The following ANO5 variants were observed in gnomAD, a reference collection of about 807,000 sequenced individuals.
ANO5 encodes anoctamin-5.
A neutral mutation model predicts 121.0 loss-of-function variants in ANO5; 109 were observed. That is an observed-to-expected ratio of 0.90 (90% CI 0.77 to 1.06). ANO5 has a LOEUF of 1.06. ANO5 is among the 50% of genes least tolerant of loss of function. The pLI, the probability that ANO5 is intolerant of heterozygous loss-of-function variation, is 0.00. For missense variants in ANO5, 1,064 were observed against 1,078.5 expected (o/e 0.99, Z 0.19); for synonymous variants, 406 against 359.9 (o/e 1.13, Z -1.45).
intron 3 of ANO5, among the ~76,000 whole-genome samples, chr11:22,213,688 A>G (rs1053591213): frequency 6.6e-5 from 10 of 151,794 alleles, no homozygotes; most frequent in African/African-American, 2.2e-4. Flanking sequence ...AGCCTACACA[A>G]AAGGATTGGG....
At chr11:22,209,799 C>T (rs1432248067) in intron 2 of ANO5, among the ~76,000 whole-genome samples, 1 of 151,810 alleles carries the variant, frequency 6.6e-6, no homozygotes, top group East Asian at 1.9e-4. Flanking sequence ...AAAGATTTTT[C>T]CTAAAAGGAG....
rs1554932860 is a variant in ANO5, at chr11:22,267,508, T to TTTTATATATATATATATATATATATA, written c.1899-2803_1899-2802insTTATATATATATATATATATATATAT. Among the ~76,000 whole-genome samples the TTTTATATATATATATATATATATATA allele has an allele frequency of 1.1e-3, 134 of 126,068 alleles. 1 individual carries two copies. The highest frequency in any genetic ancestry group is 6.1e-3 in the African/African-American group (131 of 21,508). 82.7% of individuals were successfully genotyped at this position (126,068 alleles called of 152,430 possible). A position where few individuals can be genotyped will look rare whatever the true frequency, so the allele number is the denominator to read the frequency against. ...CTACATACCATATAAATATCTACAA[T>TTTTATATATATATATATATATATATA]TATATATATATATATAAAATCTATC... On this transcript the variant is annotated intron_variant, in intron 17 of 21. Transcript: ENST00000324559.
chr11:22,254,655 A>G (rs550511870), intron 12 of ANO5, among the ~76,000 whole-genome samples: 3 of 151,770 alleles, frequency 2.0e-5, no homozygotes, highest in Non-Finnish European at 4.4e-5. Context: ...TATATTTGTA[A>G]TGGAATATTT....
At chr11:22,258,279 A>G (rs11821372) in intron 14 of ANO5, among the ~76,000 whole-genome samples, 6,580 of 152,278 alleles carry the variant, frequency 0.043, 478 homozygotes, top group African/African-American at 0.15. Flanking sequence ...TAAACCCCAT[A>G]TGATTTATCT....
rs1852878235 is a variant in ANO5, at chr11:22,227,431, C to T, written c.493C>T (p.Pro165Ser). ...TGATATTCCCCGCCCTAAGCACACT[C>T]CTATAAGCTATGTGCTTGGACCTGT... ...ESDIPRPKHT[P>S]ISYVLGPVRL... is the part of the protein sequence containing the mutation. Residue 165 changes from proline (P) to serine (S), a missense_variant, in exon 7 of 22, where the codon CCT (proline) becomes TCT (serine). Physicochemically the swap from Pro to Ser is moderately conservative, Grantham distance 74. Coordinates refer to ENST00000324559, the MANE Select transcript of ANO5 (RefSeq NM_213599.3). 1 of 1,613,436 alleles carries T rather than the reference C, an allele frequency of 6.2e-7. No homozygotes were observed. The highest frequency in any genetic ancestry group is 1.3e-5 in the African/African-American group (1 of 74,844).
In ANO5 at chr11:22,263,002, C is replaced by T. The variant is rs750884993; in HGVS notation, c.1857C>T (p.Thr619=). The T allele has an allele frequency of 6.8e-6, 11 of 1,613,306 alleles. No individual in the cohort carries two copies. The highest frequency in any genetic ancestry group is 1.6e-4 in the Middle Eastern group (1 of 6,082). The change falls in exon 17 of 22, where the codon ACC becomes ACT. Residue 619 remains threonine, a synonymous_variant. Transcript: ENST00000324559. ...ELTTQLTIIM[T]GKQIFGNIKE... ...CAACCCAATTGACCATTATAATGAC[C>T]GGGAAACAGATTTTTGGAAACATTA... is the stretch of plus-strand genomic sequence containing the variant.
chr11:22,212,209 G>A (rs1248312455), intron 3 of ANO5, among the ~76,000 whole-genome samples: 1 of 151,822 alleles, frequency 6.6e-6, no homozygotes, highest in Admixed American at 6.6e-5. Context: ...AGGGGTAGAT[G>A]CAAGTAAGAT....
Position 22,279,924 on chromosome 11 carries a change from C to A in ANO5, c.*159C>A. 1 of 646,604 alleles carries A rather than the reference C, an allele frequency of 1.5e-6. No individual in the cohort carries two copies. The highest frequency in any genetic ancestry group is 2.0e-5 in the South Asian group (1 of 50,306). The allele number at this position is 646,604 out of a possible 1,614,324, so 40.1% of individuals were successfully genotyped here. A position where few individuals can be genotyped will look rare whatever the true frequency, so the allele number is the denominator to read the frequency against. On this transcript the variant is annotated 3_prime_UTR_variant, in exon 22 of 22. Coordinates refer to ENST00000324559, the MANE Select transcript of ANO5 (RefSeq NM_213599.3). ...AGTTTTTATACACTTTTATAGAGGCCAACTTTGTGATGTTGGAAATGTACT... is the reference window on the plus strand; with the variant it reads ...AGTTTTTATACACTTTTATAGAGGCAAACTTTGTGATGTTGGAAATGTACT...
chr11:22,250,338 A>G lies in ANO5; in HGVS notation c.980A>G (p.Tyr327Cys). 6.2e-7 allele frequency: 1 copy of G among 1,613,468 alleles called. No individual in the cohort carries two copies. The highest frequency in any genetic ancestry group is 8.5e-7 in the Non-Finnish European group (1 of 1,179,680). Residue 327 changes from tyrosine to cysteine, a missense_variant, in exon 10 of 22, where the codon TAT becomes TGT. Coordinates refer to ENST00000324559, the MANE Select transcript of ANO5 (RefSeq NM_213599.3). The stretch of plus-strand genomic sequence containing the variant: ...GTAGTTGGCTTAGCTTGTTTTATTT[A>G]TGGCTTATTATCAATGGAACATAAC... ...AAVVGLACFI[Y>C]GLLSMEHNTS...
intron 1 of ANO5, among the ~76,000 whole-genome samples, chr11:22,197,922 G>C (rs1211108428): frequency 6.6e-6 from 1 of 152,172 alleles, no homozygotes. Flanking sequence ...TTCAAATCCT[G>C]CCTCTTCAGT....
At chr11:22,218,384 C>T (rs546894618) in intron 4 of ANO5, 97 bp downstream of exon 4, 2 of 1,473,130 alleles carry the variant, frequency 1.4e-6, no homozygotes, top group South Asian at 1.1e-5. Flanking sequence ...TTTGGGGGAA[C>T]ATTGTCACTA....
At chr11:22,224,103 C>T (rs1244560575) in intron 5 of ANO5, among the ~76,000 whole-genome samples, 3 of 151,938 alleles carry the variant, frequency 2.0e-5, no homozygotes, top group Non-Finnish European at 4.4e-5. Flanking sequence ...TCTTATTTCA[C>T]TAGTTGCTCC....
chr11:22,230,881 T>G (rs1020890504), intron 7 of ANO5, among the ~76,000 whole-genome samples: 1 of 151,996 alleles, frequency 6.6e-6, no homozygotes, highest in African/African-American at 2.4e-5. Context: ...TCTGTCCACT[T>G]CTATCTCCAC....
At chr11:22,228,497 A>G (rs554296350) in intron 7 of ANO5, among the ~76,000 whole-genome samples, 1 of 152,070 alleles carries the variant, frequency 6.6e-6, no homozygotes, top group African/African-American at 2.4e-5. Flanking sequence ...TTTTGTGATG[A>G]GACCATTCAA....
intron 8 of ANO5, among the ~76,000 whole-genome samples, chr11:22,238,002 G>T (rs73481660): frequency 6.6e-6 from 1 of 151,916 alleles, no homozygotes; most frequent in East Asian, 1.9e-4. Flanking sequence ...AATGTAAATC[G>T]TTGTTACACT....
chr11:22,262,000 A>G (rs1564943422), intron 15 of ANO5, 129 bp from the exon 16 acceptor site: 1 of 808,922 alleles, frequency 1.2e-6, no homozygotes, highest in Non-Finnish European at 2.0e-6. Flanking sequence ...TTGGCCTACT[A>G]TCGCCAGAAT....
At chr11:22,239,112 G>A (rs556972156) in intron 8 of ANO5, among the ~76,000 whole-genome samples, 2 of 152,214 alleles carry the variant, frequency 1.3e-5, no homozygotes, top group Admixed American at 1.3e-4. Flanking sequence ...TTGGGAAATG[G>A]CTATCAGTGA....
In ANO5 at chr11:22,281,201, T is replaced by A. The variant is rs1855062961; in HGVS notation, c.*1436T>A. ...TTATAATTCACCTCCAAAAGAATAG[T>A]TTTTTAATCACACACATAAGAAATT... On this transcript the variant is annotated 3_prime_UTR_variant, in exon 22 of 22. Coordinates refer to ENST00000324559, the MANE Select transcript of ANO5 (RefSeq NM_213599.3). 1 of 152,022 alleles carries A rather than the reference T, an allele frequency of 6.6e-6. No individual in the cohort carries two copies. The highest frequency in any genetic ancestry group is 6.6e-5 in the Admixed American group (1 of 15,264). 9.4% of individuals were successfully genotyped at this position (152,022 alleles called of 1,614,324 possible). A position where few individuals can be genotyped will look rare whatever the true frequency, so the allele number is the denominator to read the frequency against.
Position 22,272,833 on chromosome 11 carries a change from T to C in ANO5, c.2079T>C (p.Ala693=). The change falls in exon 19 of 22, where the codon GCT becomes GCC. Residue 693 remains alanine, a synonymous_variant. Coordinates refer to ENST00000324559, the MANE Select transcript of ANO5 (RefSeq NM_213599.3). ...TATTTGTGGCCTCTTTTCCTTTGGC[T>C]CCTCTTCTTGCTCTCATAAATAATA... ...VTLFVASFPL[A]PLLALINNIV... is the part of the protein sequence containing the mutation. The C allele has an allele frequency of 6.2e-7, 1 of 1,614,148 alleles. No individual in the cohort carries two copies. The highest frequency in any genetic ancestry group is 8.5e-7 in the Non-Finnish European group (1 of 1,180,004).
Sources: allele counts gnomAD v4.1 joint callset (sites outside exome capture counted in the v4.1 genomes callset), GRCh38; gene constraint gnomAD v4.1.1; transcripts MANE v1.5; gene names NCBI Gene and HGNC (gene_info 2026-07-23, HGNC 2026-07-21).